The following RPP30 variants were observed in gnomAD, a reference collection of about 807,000 sequenced individuals.
RPP30 encodes the protein ribonuclease P/MRP subunit p30.
A neutral mutation model predicts 38.6 loss-of-function variants in RPP30; 36 were observed. The observed-to-expected ratio is 0.93, with a 90% CI of 0.71 to 1.23. The LOEUF is 1.23. RPP30 is among the 50% of genes most tolerant of loss of function. RPP30 has a pLI of 0.00. For missense variants in RPP30, 321 were observed against 321.7 expected (o/e 1.00, Z 0.02); for synonymous variants, 126 against 112.7 (o/e 1.12, Z -0.75).
chr10:90,896,450 C>T (rs1204471047), intron 10 of RPP30, 58 bp downstream of exon 10: 13 of 1,364,978 alleles, frequency 9.5e-6, no homozygotes, highest in African/African-American at 1.4e-5. Flanking sequence ...GTCATTTTTA[C>T]AGCCATACCT....
At chr10:90,879,812 GA>G (rs1175980522) in intron 5 of RPP30, among the ~76,000 whole-genome samples, 1 of 152,046 alleles carries the variant, frequency 6.6e-6, no homozygotes, top group African/African-American at 2.4e-5. Flanking sequence ...TTACAGTAAG[GA>G]AAAAACAACT....
At chr10:90,885,641 C>T (rs1172769804) in intron 5 of RPP30, among the ~76,000 whole-genome samples, 171 bp from the exon 6 acceptor site, 5 of 152,066 alleles carry the variant, frequency 3.3e-5, no homozygotes, top group African/African-American at 9.7e-5. Context: ...TAAACCAAAC[C>T]TAAAAGAGTA....
intron 10 of RPP30, among the ~76,000 whole-genome samples, chr10:90,897,243 T>C (rs922084315): frequency 6.6e-6 from 1 of 152,238 alleles, no homozygotes; most frequent in African/African-American, 2.4e-5. Context: ...GGACTAGTTG[T>C]AGTGGTTAAG....
Position 90,901,706 on chromosome 10 carries a change from A to G in RPP30, c.*1027A>G, listed in dbSNP as rs1278842212. The G allele has an allele frequency of 2.0e-6, 2 of 984,072 alleles. No homozygotes were observed. The highest frequency in any genetic ancestry group is 2.4e-6 in the Non-Finnish European group (2 of 828,668). 61.0% of individuals were successfully genotyped at this position (984,072 alleles called of 1,614,324 possible). ...GCTTTTTATGCAAATACATGCATTT[A>G]TGCAATATTAATGTAAGGGCTCTAA... is the stretch of plus-strand genomic sequence containing the variant. On this transcript the variant is annotated 3_prime_UTR_variant, in exon 11 of 11. Coordinates refer to ENST00000371703, the MANE Select transcript of RPP30 (RefSeq NM_006413.5).
At chr10:90,899,082 A>T (rs1333820453) in intron 10 of RPP30, among the ~76,000 whole-genome samples, 1 of 152,248 alleles carries the variant, frequency 6.6e-6, no homozygotes, top group African/African-American at 2.4e-5. Context: ...TTTAAAAGAC[A>T]CTAAAGAAAT....
intron 3 of RPP30, 109 bp downstream of exon 3, chr10:90,875,723 C>G (rs922468547): frequency 1.1e-6 from 1 of 919,772 alleles, no homozygotes; most frequent in South Asian, 1.4e-5. Context: ...GAGTACCAGT[C>G]TTAACGTTTT....
chr10:90,896,015 T>C, intron 9 of RPP30, 98 bp downstream of exon 9: 1 of 917,790 alleles, frequency 1.1e-6, no homozygotes, highest in East Asian at 2.5e-5. Flanking sequence ...CTCAACCTTT[T>C]ACTGTAAGTT....
intron 6 of RPP30, among the ~76,000 whole-genome samples, chr10:90,891,439 A>G (rs531580222): frequency 2.0e-5 from 3 of 152,146 alleles, no homozygotes; most frequent in Non-Finnish European, 4.4e-5. Flanking sequence ...CAGTGACCCT[A>G]TTTCCAAATA....
chr10:90,899,547 A>C (rs1847178314), intron 10 of RPP30, among the ~76,000 whole-genome samples: 1 of 152,192 alleles, frequency 6.6e-6, no homozygotes, highest in Non-Finnish European at 1.5e-5. Flanking sequence ...TTTTCATGAC[A>C]CTATGGCCTT....
downstream of RPP30, among the ~76,000 whole-genome samples, chr10:90,904,277 A>T (rs1847230750): frequency 6.6e-6 from 1 of 152,230 alleles, no homozygotes; most frequent in Non-Finnish European, 1.5e-5. Context: ...AGTGATACTG[A>T]AATAATTGGT....
intron 2 of RPP30, 132 bp from the exon 3 acceptor site, chr10:90,875,426 A>T: frequency 1.5e-6 from 1 of 681,656 alleles, no homozygotes; most frequent in Middle Eastern, 4.3e-4. Context: ...AGTTTTTTTG[A>T]ATACCAGAAA....
At chr10:90,894,661 G>A in intron 6 of RPP30, 114 bp from the exon 7 acceptor site, 2 of 753,606 alleles carry the variant, frequency 2.7e-6, no homozygotes, top group Middle Eastern at 2.4e-4. Context: ...GCTGTACCTT[G>A]ACATGTAAGG....
chr10:90,872,226 C>G, intron 1 of RPP30, 158 bp downstream of exon 1: 1 of 653,666 alleles, frequency 1.5e-6, no homozygotes, highest in South Asian at 1.8e-5. Flanking sequence ...GGTCTGATTC[C>G]TAGCGCGGGA....
downstream of RPP30, among the ~76,000 whole-genome samples, chr10:90,907,263 T>C (rs888435951): frequency 1.3e-5 from 2 of 152,122 alleles, no homozygotes; most frequent in Non-Finnish European, 2.9e-5. Flanking sequence ...GATGTTTCAC[T>C]TGGAAGAAAT....
chr10:90,881,908 A>G (rs980519988), intron 5 of RPP30, among the ~76,000 whole-genome samples: 1 of 152,196 alleles, frequency 6.6e-6, no homozygotes, highest in Non-Finnish European at 1.5e-5. Flanking sequence ...CAATAGTAGT[A>G]TAAAATCGAA....
Position 90,886,448 on chromosome 10 carries a change from A to T in RPP30, c.432+547A>T, listed in dbSNP as rs563550568. 2.7e-3 allele frequency among the ~76,000 whole-genome samples: 406 copies of T among 152,346 alleles called. 1 individual carries two copies. Among genetic ancestry groups the T allele is most frequent in the Middle Eastern group, 0.01 (3 of 294 alleles). On this transcript the variant is annotated intron_variant, in intron 6 of 10. Coordinates refer to ENST00000371703, the MANE Select transcript of RPP30 (RefSeq NM_006413.5). ...ACTTTTTTGTTTCTCCCTCTGCTAT[A>T]GAATTTTTCTCATTCCCCTTCTACA...
chr10:90,894,447 G>C (rs776716093), intron 6 of RPP30, among the ~76,000 whole-genome samples: 2 of 152,126 alleles, frequency 1.3e-5, no homozygotes, highest in Non-Finnish European at 2.9e-5. Context: ...GTACATTTCT[G>C]TTTTCCTTTT....
At position 90,874,887 on chromosome 10, in the gene RPP30, C is replaced by T; in HGVS notation, c.101C>T (p.Ala34Val). 1.3e-6 allele frequency: 2 copies of T among 1,594,088 alleles called. No homozygotes were observed. Among genetic ancestry groups the T allele is most frequent in the East Asian group, 2.3e-5 (1 of 44,336 alleles). The change falls in exon 2 of 11, where the codon GCT (alanine) becomes GTT (valine). Residue 34 changes from alanine (A) to valine (V), a missense_variant. Physicochemically the swap from Ala to Val is moderately conservative, Grantham distance 64. Transcript: ENST00000371703. Reference sequence around the variant, plus strand: ...TTTTCAGTTGGCTATTCAGTTGTTGCTATCAATCATATCGTTGACTTTAAG... The same window carrying T: ...TTTTCAGTTGGCTATTCAGTTGTTGTTATCAATCATATCGTTGACTTTAAG... ...TAAHLGYSVVAINHIVDFKEK... is the reference protein window; with the variant it reads ...TAAHLGYSVVVINHIVDFKEK...
intron 5 of RPP30, among the ~76,000 whole-genome samples, chr10:90,879,379 G>A (rs1258355771): frequency 6.6e-6 from 1 of 152,022 alleles, no homozygotes; most frequent in East Asian, 1.9e-4. Context: ...GTTTTCTTCT[G>A]TTTCTTTATC....
Sources: gnomAD v4.1 joint callset for allele counts (sites outside exome capture counted in the v4.1 genomes callset) on GRCh38, gnomAD v4.1.1 for gene constraint, MANE v1.5 for transcripts, NCBI Gene and HGNC (gene_info 2026-07-23, HGNC 2026-07-21) for gene names.